BRAF: variants seen among roughly 807,000 people sequenced by gnomAD.
The protein encoded by BRAF is serine/threonine-protein kinase B-raf.
Under a neutral mutation model 104.6 loss-of-function variants are expected in BRAF, and 16 were observed. The observed-to-expected ratio is 0.15, with a 90% CI of 0.10 to 0.23. BRAF has a LOEUF of 0.23. BRAF is among the 10% of genes least tolerant of loss of function. The pLI is 1.00. For missense variants in BRAF, 541 were observed against 937.3 expected (o/e 0.58, Z 5.52); for synonymous variants, 310 against 341.6 (o/e 0.91, Z 1.02).
intron 13 of BRAF, 54 bp from the exon 13 acceptor site, chr7:140,777,142 C>T: frequency 6.3e-7 from 1 of 1,583,496 alleles, no homozygotes; most frequent in Non-Finnish European, 8.7e-7. Context: ...TTTAGCAATT[C>T]TTACAAAAGA....
intron 14 of BRAF, among the ~76,000 whole-genome samples, chr7:140,763,149 G>A (rs562014403): frequency 0.037 from 5,612 of 152,180 alleles, 153 homozygotes; most frequent in Middle Eastern, 0.065. Flanking sequence ...GGTGGTGGCC[G>A]GGCAGAGGGG....
chr7:140,825,864 T>C (rs1805991032), intron 3 of BRAF, among the ~76,000 whole-genome samples: 2 of 152,222 alleles, frequency 1.3e-5, no homozygotes, highest in Admixed American at 1.3e-4. Context: ...GGTTTTATTA[T>C]GTCTATCCTG....
chr7:140,814,265 T>A lies in BRAF; in HGVS notation c.505-5270A>T, dbSNP rs560582574. Among the ~76,000 whole-genome samples the A allele has an allele frequency of 1.1e-4, 17 of 152,338 alleles. No homozygotes were observed. In the South Asian group the frequency reaches 1.5e-3, roughly 13 times the overall value. On this transcript the variant is annotated intron_variant, in intron 3 of 19. Coordinates refer to ENST00000644969, the MANE Select transcript of BRAF (RefSeq NM_001374258.1). ...AAACTTTAGACCAAAACAAAATGTATGAGTCCAAACTTTCACACGTCAATT... is the reference window on the plus strand; with the variant it reads ...AAACTTTAGACCAAAACAAAATGTAAGAGTCCAAACTTTCACACGTCAATT...
chr7:140,761,681 A>G (rs201193501), intron 14 of BRAF, among the ~76,000 whole-genome samples: 6 of 152,152 alleles, frequency 3.9e-5, no homozygotes, highest in South Asian at 4.1e-4. Context: ...TCAAAATAAA[A>G]GGATGGAGGA....
intron 2 of BRAF, among the ~76,000 whole-genome samples, chr7:140,842,196 A>T (rs920868502): frequency 1.3e-5 from 2 of 152,208 alleles, no homozygotes; most frequent in Non-Finnish European, 2.9e-5. Flanking sequence ...GATTAAACGC[A>T]TGGGCTGTAA....
chr7:140,873,166 C>CTTTT (rs1165344332), intron 1 of BRAF, among the ~76,000 whole-genome samples: 21 of 99,146 alleles, frequency 2.1e-4, no homozygotes, highest in East Asian at 6.7e-4. Flanking sequence ...CAGTCTGTGG[C>CTTTT]TTTTTTTTTT....
chr7:140,719,703 C>CT lies in BRAF; in HGVS notation c.*6790dup, dbSNP rs570891078. The stretch of plus-strand genomic sequence containing the variant: ...CATCCATTTGACTGAAAATAAATGT[C>CT]TTTTTTATGAATTGAAAAATAAGCT... On this transcript the variant is annotated 3_prime_UTR_variant, in exon 20 of 20. Transcript: ENST00000644969. 28 of 1,060,552 alleles carry CT rather than the reference C, an allele frequency of 2.6e-5. No homozygotes were observed. The East Asian group carries it at 9.2e-4, about 35-fold the overall frequency. 65.7% of individuals were successfully genotyped at this position (1,060,552 alleles called of 1,614,324 possible).
intron 19 of BRAF, among the ~76,000 whole-genome samples, chr7:140,730,335 C>CCCCT (rs1795868762): frequency 6.6e-6 from 1 of 151,778 alleles, no homozygotes; most frequent in African/African-American, 2.4e-5. Context: ...TATTTTCTTT[C>CCCCT]CCCTTCTTTC....
At chr7:140,734,417 C>A in intron 19 of BRAF, 1 of 1,491,096 alleles carries the variant, frequency 6.7e-7, no homozygotes, top group Non-Finnish European at 8.9e-7. Context: ...GTTAAAAATC[C>A]AATGTTAAGT....
intron 1 of BRAF, among the ~76,000 whole-genome samples, chr7:140,864,579 T>C (rs1810739468): frequency 6.6e-6 from 1 of 151,954 alleles, no homozygotes; most frequent in African/African-American, 2.4e-5. Flanking sequence ...ATCATAAACA[T>C]TTACAAGAGA....
At chr7:140,880,804 TAAA>T (rs576626707) in intron 1 of BRAF, among the ~76,000 whole-genome samples, 1 of 143,700 alleles carries the variant, frequency 7.0e-6, no homozygotes, top group African/African-American at 2.5e-5. Flanking sequence ...CTGTCTCTAT[TAAA>T]AAAAAAAAAA....
intron 11 of BRAF, among the ~76,000 whole-genome samples, chr7:140,782,776 T>C (rs954350806): frequency 1.2e-4 from 18 of 152,224 alleles, no homozygotes; most frequent in African/African-American, 3.6e-4. Context: ...TCTTTTTCCT[T>C]ACTTTAGAAC....
At chr7:140,760,702 A>C (rs1217936643) in intron 14 of BRAF, among the ~76,000 whole-genome samples, 2 of 151,674 alleles carry the variant, frequency 1.3e-5, no homozygotes, top group Non-Finnish European at 2.9e-5. Flanking sequence ...AAAGGAGCTG[A>C]TGGGGCTGAA....
At chr7:140,787,276 G>C (rs1801473333) in intron 9 of BRAF, among the ~76,000 whole-genome samples, 1 of 146,668 alleles carries the variant, frequency 6.8e-6, no homozygotes, top group Admixed American at 6.8e-5. Flanking sequence ...ACTCCAACCT[G>C]GGCGACAGAG....
chr7:140,856,890 A>T (rs559215645), intron 1 of BRAF, among the ~76,000 whole-genome samples: 4 of 152,312 alleles, frequency 2.6e-5, no homozygotes, highest in African/African-American at 9.6e-5. Flanking sequence ...GAAGATAATG[A>T]ACTGACGTTA....
At chr7:140,882,720 C>T (rs1025993614) in intron 1 of BRAF, among the ~76,000 whole-genome samples, 6 of 147,682 alleles carry the variant, frequency 4.1e-5, no homozygotes, top group East Asian at 2.3e-4. Context: ...TGGCTGGGCG[C>T]GGTGACTCAC....
At chr7:140,766,287 T>C (rs1293127332) in intron 14 of BRAF, among the ~76,000 whole-genome samples, 7 of 151,986 alleles carry the variant, frequency 4.6e-5, no homozygotes, top group Non-Finnish European at 8.8e-5. Context: ...CTGGGGACTA[T>C]TGTGGGGTGG....
chr7:140,922,645 T>C (rs1238124907), intron 1 of BRAF, among the ~76,000 whole-genome samples: 2 of 152,130 alleles, frequency 1.3e-5, no homozygotes, highest in Non-Finnish European at 2.9e-5. Flanking sequence ...TAAAATAAAA[T>C]CCAGAGGCAC....
chr7:140,861,488 G>A (rs1227043388), intron 1 of BRAF, among the ~76,000 whole-genome samples: 4 of 152,156 alleles, frequency 2.6e-5, no homozygotes, highest in South Asian at 4.1e-4. Flanking sequence ...AAAGGATCGC[G>A]TGGGTCTATT....
Sources: allele counts gnomAD v4.1 joint callset (sites outside exome capture counted in the v4.1 genomes callset), GRCh38; gene constraint gnomAD v4.1.1; transcripts MANE v1.5; gene names NCBI Gene and HGNC (gene_info 2026-07-23, HGNC 2026-07-21).